ZNF599: variants seen among roughly 807,000 people sequenced by gnomAD.
The protein encoded by ZNF599 is zinc finger protein 599.
ZNF599 carries 10 observed loss-of-function variants against 11.7 expected under a neutral mutation model. That is an observed-to-expected ratio of 0.86 (90% CI 0.53 to 1.45). The LOEUF is 1.45. ZNF599 is among the 40% of genes most tolerant of loss of function. ZNF599 has a pLI of 0.00. For synonymous variants in ZNF599, 232 were observed against 253.2 expected (o/e 0.92, Z 0.79); for missense variants, 688 against 713.6 (o/e 0.96, Z 0.41).
the ZNF599 span, among the ~76,000 whole-genome samples, chr19:34,800,626 C>T: frequency 3.5e-5 from 4 of 113,064 alleles, no homozygotes; most frequent in Admixed American, 1.3e-4. Flanking sequence ...GACGGAGTGT[C>T]GCTCTGTCAC....
chr19:34,767,926 C>G (rs1174209425), intron 2 of ZNF599, among the ~76,000 whole-genome samples: 1 of 152,168 alleles, frequency 6.6e-6, no homozygotes, highest in African/African-American at 2.4e-5. Context: ...CAGGGCTTCT[C>G]ATTAGGTAAA....
the ZNF599 span, among the ~76,000 whole-genome samples, chr19:34,778,521 C>T: frequency 1.3e-5 from 2 of 152,122 alleles, no homozygotes; most frequent in Non-Finnish European, 2.9e-5. Context: ...GGTTTAGAGA[C>T]ATTTTGTTGC....
At chr19:34,800,582 C>CTTTTTTTT in the ZNF599 span, among the ~76,000 whole-genome samples, 1 of 73,836 alleles carries the variant, frequency 1.4e-5, no homozygotes, top group Non-Finnish European at 2.7e-5. Flanking sequence ...CTAGCATTTC[C>CTTTTTTTT]TTTGTTTTTT....
the ZNF599 span, among the ~76,000 whole-genome samples, chr19:34,791,510 A>G: frequency 6.6e-6 from 1 of 152,236 alleles, no homozygotes; most frequent in Non-Finnish European, 1.5e-5. Flanking sequence ...CTGTGTTACA[A>G]TAGCCAGCAT....
At chr19:34,777,400 TATTATATATAA>T (rs1316182667), upstream of ZNF599, among the ~76,000 whole-genome samples, 3 of 88,722 alleles carry the variant, frequency 3.4e-5, no homozygotes, top group African/African-American at 1.5e-4. Flanking sequence ...ATATAATATA[TATTATATATAA>T]TATATATTAA....
chr19:34,766,643 T>C (rs1256075944), intron 3 of ZNF599, among the ~76,000 whole-genome samples: 1 of 152,246 alleles, frequency 6.6e-6, no homozygotes, highest in African/African-American at 2.4e-5. Context: ...GCAGAAACTA[T>C]CATCACTATC....
the ZNF599 span, among the ~76,000 whole-genome samples, chr19:34,799,377 G>T: frequency 6.6e-6 from 1 of 152,062 alleles, no homozygotes; most frequent in East Asian, 1.9e-4. Flanking sequence ...CTGTCTTTTG[G>T]TGTCTTGATA....
the ZNF599 span, among the ~76,000 whole-genome samples, chr19:34,802,764 C>T: frequency 6.6e-6 from 1 of 152,154 alleles, no homozygotes; most frequent in African/African-American, 2.4e-5. Flanking sequence ...GCCCTCTCAC[C>T]TGCCACTTAA....
the ZNF599 span, among the ~76,000 whole-genome samples, chr19:34,802,606 C>G: frequency 2.0e-5 from 3 of 152,120 alleles, no homozygotes; most frequent in African/African-American, 4.8e-5. Flanking sequence ...AGCCCTGGGA[C>G]AAAAGTCTGA....
chr19:34,802,181 G>T, the ZNF599 span, among the ~76,000 whole-genome samples: 1 of 152,354 alleles, frequency 6.6e-6, no homozygotes, highest in Non-Finnish European at 1.5e-5. Flanking sequence ...GCACACCAAT[G>T]CATGAGTCTA....
At position 34,759,481 on chromosome 19, in the gene ZNF599, T is replaced by C. The variant is rs767195176; in HGVS notation, c.1320A>G (p.Gln440=). Residue 440 remains glutamine, a synonymous_variant, in exon 4 of 4, where the codon CAA becomes CAG. Coordinates refer to ENST00000329285, the MANE Select transcript of ZNF599 (RefSeq NM_001007248.3). The stretch of plus-strand genomic sequence containing the variant: ...TCTCACCAGTGTGAATCCTCATATG[T>C]TGAATTAAGGAAGAGCTGTCACAAA... ...KAFCDSSSLI[Q]HMRIHTGEKP... 38 of 1,613,936 alleles carry C rather than the reference T, an allele frequency of 2.4e-5. No homozygotes were observed. The highest frequency in any genetic ancestry group is 6.7e-5 in the East Asian group (3 of 44,890).
chr19:34,807,178 A>G, the ZNF599 span, among the ~76,000 whole-genome samples: 1 of 152,226 alleles, frequency 6.6e-6, no homozygotes, highest in African/African-American at 2.4e-5. Flanking sequence ...AAACGGCTTC[A>G]TCACCCATGA....
intron 3 of ZNF599, 39 bp downstream of exon 3, chr19:34,767,277 G>A: frequency 1.3e-6 from 2 of 1,543,430 alleles, no homozygotes; most frequent in Non-Finnish European, 1.8e-6. Context: ...TGGTCTGCAG[G>A]CTGCCCTGAT....
chr19:34,766,963 G>A (rs115474072), intron 3 of ZNF599: 2,081 of 196,378 alleles, frequency 0.011, 32 homozygotes, highest in African/African-American at 0.046. Context: ...AAAACAAAAC[G>A]AAACTTAATC....
chr19:34,805,269 C>G, the ZNF599 span, among the ~76,000 whole-genome samples: 2 of 149,456 alleles, frequency 1.3e-5, no homozygotes, highest in African/African-American at 4.9e-5. Context: ...ACAATCTCAG[C>G]CTGCTGCAAC....
the ZNF599 span, among the ~76,000 whole-genome samples, chr19:34,796,100 C>T: frequency 9.2e-5 from 14 of 152,048 alleles, no homozygotes; most frequent in East Asian, 1.9e-4. Context: ...GTTTTACAGG[C>T]GTGAGCCACC....
At chr19:34,786,154 T>C in the ZNF599 span, among the ~76,000 whole-genome samples, 19 of 152,154 alleles carry the variant, frequency 1.2e-4, no homozygotes, top group Admixed American at 2.0e-4. Context: ...CTTTGAACTC[T>C]CTCCTCACCT....
Position 34,772,833 on chromosome 19 carries a change from C to A in ZNF599, c.9G>T (p.Ala3=). ...GGAACCCTCCACTCACCAACGCCGG[C>A]GCCGCCATGGGCCCAGGGGGCTGGG... MA[A]PALALVSFED... The change falls in exon 1 of 4, where the codon GCG becomes GCT. Residue 3 remains alanine (A), a synonymous_variant. Transcript: ENST00000329285. The A allele has an allele frequency of 6.6e-7, 1 of 1,520,470 alleles. No homozygotes were observed. The allele number at this position is 1,520,470 out of a possible 1,614,324, so 94.2% of individuals were successfully genotyped here. A position where few individuals can be genotyped will look rare whatever the true frequency, so the allele number is the denominator to read the frequency against.
chr19:34,796,389 C>T, the ZNF599 span, among the ~76,000 whole-genome samples: 4 of 151,596 alleles, frequency 2.6e-5, no homozygotes, highest in African/African-American at 9.7e-5. Context: ...TGACTCACTG[C>T]AACCTCCGCC....
Sources: allele counts gnomAD v4.1 joint callset (sites outside exome capture counted in the v4.1 genomes callset), GRCh38; gene constraint gnomAD v4.1.1; transcripts MANE v1.5; gene names NCBI Gene and HGNC (gene_info 2026-07-23, HGNC 2026-07-21).